NBEA: variants seen among roughly 807,000 people sequenced by gnomAD.
The protein encoded by NBEA is lysosomal-trafficking regulator 2.
In NBEA, 44 loss-of-function variants were observed where a neutral mutation model predicts 343.4. That is an observed-to-expected ratio of 0.13 (90% CI 0.10 to 0.16). NBEA has a LOEUF of 0.16. Ranked by LOEUF, NBEA falls within the 10% of genes least tolerant of loss-of-function variation. The probability of loss-of-function intolerance (pLI) is 1.00; values close to 1 mark genes in which losing one functional copy is unlikely to be tolerated. For missense variants in NBEA, 2,555 were observed against 3,631.3 expected, an observed-to-expected ratio of 0.70 and a Z score of 7.62; for synonymous variants, 1,175 against 1,238.7, an observed-to-expected ratio of 0.95 and a Z score of 1.08.
At chr13:35,479,427 C>G (rs913584905) in intron 41 of NBEA, among the ~76,000 whole-genome samples, 1 of 152,136 alleles carries the variant, frequency 6.6e-6, no homozygotes, top group Admixed American at 6.5e-5. Context: ...AGACGCCCCT[C>G]ATTGTTGAAG....
At chr13:35,314,717 CT>C (rs1249729206) in intron 36 of NBEA, among the ~76,000 whole-genome samples, 2 of 152,168 alleles carry the variant, frequency 1.3e-5, no homozygotes, top group Non-Finnish European at 2.9e-5. Flanking sequence ...TAGCACCTTT[CT>C]TGCTCAGTTT....
intron 34 of NBEA, among the ~76,000 whole-genome samples, chr13:35,237,742 A>G (rs537001597): frequency 2.8e-4 from 43 of 152,334 alleles, no homozygotes; most frequent in African/African-American, 7.9e-4. Flanking sequence ...TTTAACTTCA[A>G]ATAGCCATAA....
intron 17 of NBEA, among the ~76,000 whole-genome samples, chr13:35,135,407 A>C (rs1212954461): frequency 6.6e-6 from 1 of 152,032 alleles, no homozygotes; most frequent in Non-Finnish European, 1.5e-5. Context: ...AGCCAAAGGA[A>C]ATTGGAAATG....
intron 39 of NBEA, among the ~76,000 whole-genome samples, chr13:35,450,280 G>A (rs898122672): frequency 1.2e-4 from 18 of 151,112 alleles, no homozygotes; most frequent in African/African-American, 2.7e-4. Context: ...TTCAAGCCCA[G>A]CCTGAGAATA....
At chr13:35,322,831 T>G (rs189123707) in intron 36 of NBEA, among the ~76,000 whole-genome samples, 50 of 152,304 alleles carry the variant, frequency 3.3e-4, no homozygotes, top group African/African-American at 1.0e-3. Flanking sequence ...TCAAAATTTG[T>G]GATCATAAAT....
chr13:35,603,435 CT>C (rs1167508018), intron 47 of NBEA, among the ~76,000 whole-genome samples: 2 of 151,942 alleles, frequency 1.3e-5, no homozygotes, highest in Admixed American at 6.6e-5. Context: ...TTTCTTGCGC[CT>C]TTGTGAATCT....
intron 49 of NBEA, among the ~76,000 whole-genome samples, chr13:35,631,638 TAAAAAAAAAA>T (rs59333937): frequency 1.6e-5 from 2 of 126,458 alleles, no homozygotes; most frequent in African/African-American, 6.1e-5. Flanking sequence ...GTCTCCTTTG[TAAAAAAAAAA>T]AAAAAAAAAA....
At chr13:35,426,435 G>T (rs2044678381) in intron 38 of NBEA, among the ~76,000 whole-genome samples, 1 of 152,116 alleles carries the variant, frequency 6.6e-6, no homozygotes, top group Non-Finnish European at 1.5e-5. Flanking sequence ...ATGAAATTCT[G>T]GGTTGAAAAT....
At chr13:35,390,450 A>G (rs992873086) in intron 38 of NBEA, among the ~76,000 whole-genome samples, 4 of 152,184 alleles carry the variant, frequency 2.6e-5, no homozygotes, top group African/African-American at 9.7e-5. Flanking sequence ...CCAAACTGGA[A>G]ACTAGTAGAA....
At chr13:35,308,633 C>G (rs1031709245) in intron 35 of NBEA, among the ~76,000 whole-genome samples, 42 of 115,470 alleles carry the variant, frequency 3.6e-4, no homozygotes, top group African/African-American at 9.0e-4. Flanking sequence ...CACACACACA[C>G]AGATATATAT....
chr13:35,020,016 C>A (rs879486881), intron 1 of NBEA, among the ~76,000 whole-genome samples: 1 of 151,802 alleles, frequency 6.6e-6, no homozygotes, highest in Non-Finnish European at 1.5e-5. Context: ...TTGTTTTTTT[C>A]CCTCTTGTTC....
At chr13:35,204,502 G>A (rs1261696563) in intron 31 of NBEA, among the ~76,000 whole-genome samples, 2 of 152,040 alleles carry the variant, frequency 1.3e-5, no homozygotes, top group Non-Finnish European at 2.9e-5. Context: ...ACACAGGAAA[G>A]ACCGGCCCTC....
intron 1 of NBEA, among the ~76,000 whole-genome samples, chr13:34,994,546 AC>A (rs2060874299): frequency 1.3e-5 from 2 of 152,128 alleles, no homozygotes; most frequent in African/African-American, 4.8e-5. Context: ...GTATGTAACT[AC>A]TTTTAATGGT....
At chr13:35,287,947 A>G (rs1337871578) in intron 34 of NBEA, among the ~76,000 whole-genome samples, 1 of 152,052 alleles carries the variant, frequency 6.6e-6, no homozygotes, top group East Asian at 1.9e-4. Context: ...TGTAAATTCT[A>G]AAGCTCTATA....
At chr13:35,492,823 A>G (rs2076546510) in intron 41 of NBEA, among the ~76,000 whole-genome samples, 1 of 151,858 alleles carries the variant, frequency 6.6e-6, no homozygotes, top group Non-Finnish European at 1.5e-5. Flanking sequence ...GTAAGCTTCA[A>G]GAAGGGACTT....
intron 1 of NBEA, among the ~76,000 whole-genome samples, chr13:34,961,636 A>C (rs1156947148): frequency 6.6e-6 from 1 of 152,100 alleles, no homozygotes; most frequent in African/African-American, 2.4e-5. Context: ...TACAATGATC[A>C]AGATAAGGTC....
chr13:35,484,266 G>A (rs1204550186), intron 41 of NBEA, among the ~76,000 whole-genome samples: 27 of 135,880 alleles, frequency 2.0e-4, no homozygotes, highest in African/African-American at 4.8e-4. Context: ...GTGTGTGTGT[G>A]TGTGTGTGTA....
intron 10 of NBEA, among the ~76,000 whole-genome samples, chr13:35,094,939 TCTTTA>T (rs2152633460): frequency 1.3e-5 from 2 of 151,992 alleles, no homozygotes; most frequent in South Asian, 4.1e-4. Flanking sequence ...TTAGGGGGAA[TCTTTA>T]CTTTTTATGT....
chr13:35,150,171 GAAT>G (rs936303554), intron 18 of NBEA, among the ~76,000 whole-genome samples: 1 of 152,176 alleles, frequency 6.6e-6, no homozygotes, highest in Non-Finnish European at 1.5e-5. Flanking sequence ...TTTTAAAATA[GAAT>G]AATGTTTATG....
Sources: gnomAD v4.1 joint callset for allele counts (sites outside exome capture counted in the v4.1 genomes callset) on GRCh38, gnomAD v4.1.1 for gene constraint, MANE v1.5 for transcripts, NCBI Gene and HGNC (gene_info 2026-07-23, HGNC 2026-07-21) for gene names.